The following HYDIN variants were observed in gnomAD, a reference collection of about 807,000 sequenced individuals.
The protein encoded by HYDIN is HYDIN axonemal central pair apparatus protein.
In HYDIN, 132 loss-of-function variants were observed where a neutral mutation model predicts 403.9. The observed-to-expected ratio is 0.33, with a 90% CI of 0.28 to 0.38. HYDIN has a LOEUF of 0.38. HYDIN is among the 10% of genes least tolerant of loss of function. The pLI, the probability that HYDIN is intolerant of heterozygous loss-of-function variation, is 1.00. For synonymous variants in HYDIN, 1,202 were observed against 1,891.7 expected (o/e 0.64, Z 9.46); for missense variants, 2,827 against 5,009.5 (o/e 0.56, Z 13.15).
intron 28 of HYDIN, chr16:70,984,938 TG>T (rs1339386267): frequency 2.5e-6 from 1 of 403,288 alleles, no homozygotes; most frequent in East Asian, 4.3e-5. Flanking sequence ...AAAAAATCCA[TG>T]GGTTGCATCT....
chr16:71,030,210 G>A (rs1298857192), intron 19 of HYDIN, among the ~76,000 whole-genome samples: 1 of 151,668 alleles, frequency 6.6e-6, no homozygotes, highest in Admixed American at 6.6e-5. Flanking sequence ...GACATCATGC[G>A]AGGCTAATTT....
At chr16:70,995,569 C>G (rs1392420984) in intron 23 of HYDIN, among the ~76,000 whole-genome samples, 4 of 152,086 alleles carry the variant, frequency 2.6e-5, no homozygotes, top group African/African-American at 9.7e-5. Context: ...TCTTTCCTGT[C>G]CTTTCTTCAC....
intron 12 of HYDIN, among the ~76,000 whole-genome samples, chr16:71,085,578 TG>T (rs1287918669): frequency 6.6e-6 from 1 of 152,214 alleles, no homozygotes; most frequent in African/African-American, 2.4e-5. Context: ...ACTATTTTGC[TG>T]AATTGTGTAT....
At chr16:71,017,224 C>A (rs1200408157) in intron 23 of HYDIN, among the ~76,000 whole-genome samples, 1 of 151,292 alleles carries the variant, frequency 6.6e-6, no homozygotes, top group Non-Finnish European at 1.5e-5. Context: ...GTGGCAGGCA[C>A]CTGTAATCCC....
chr16:71,222,768 T>A (rs1005481449), intron 1 of HYDIN, among the ~76,000 whole-genome samples: 1 of 152,016 alleles, frequency 6.6e-6, no homozygotes, highest in Non-Finnish European at 1.5e-5. Context: ...AAAATACATA[T>A]GAATATACTT....
intron 1 of HYDIN, among the ~76,000 whole-genome samples, chr16:71,227,293 G>C (rs2041078461): frequency 1.3e-5 from 2 of 151,920 alleles, no homozygotes; most frequent in South Asian, 4.1e-4. Flanking sequence ...ACCAGGAAAT[G>C]CAAATTAAAA....
Position 70,818,428 on chromosome 16 carries a change from G to A in HYDIN, c.14572C>T (p.Leu4858=). 6.2e-7 allele frequency: 1 copy of A among 1,612,564 alleles called. No homozygotes were observed. Among genetic ancestry groups the A allele is most frequent in the South Asian group, 1.1e-5 (1 of 90,614 alleles). The change falls in exon 84 of 86, where the codon CTG becomes TTG. Residue 4858 remains leucine, a synonymous_variant. Transcript: ENST00000393567. ...ASASIKLENP[L]PYSVTFSTEC... ...GTGGAGAAGGTCACCGAGTAGGGCA[G>A]AGGGTTCTCCAACTTGATGGAGGCT...
chr16:70,847,021 T>G (rs2038258660), intron 75 of HYDIN, among the ~76,000 whole-genome samples: 1 of 147,724 alleles, frequency 6.8e-6, no homozygotes, highest in Admixed American at 6.8e-5. Context: ...GTCTTTTAAT[T>G]GGAGCATTTA....
intron 9 of HYDIN, among the ~76,000 whole-genome samples, chr16:71,125,125 C>T (rs538690782): frequency 2.6e-5 from 4 of 151,694 alleles, no homozygotes; most frequent in Non-Finnish European, 4.4e-5. Context: ...ACAGCCTCTC[C>T]TCTCTCTGCA....
At chr16:71,145,295 G>A (rs907518395) in intron 7 of HYDIN, among the ~76,000 whole-genome samples, 24 of 149,424 alleles carry the variant, frequency 1.6e-4, no homozygotes, top group East Asian at 9.8e-4. Flanking sequence ...TAGCTCTGTC[G>A]CCAGGCTGGA....
At position 70,967,593 on chromosome 16, in the gene HYDIN, C is replaced by T. The variant is rs533894403; in HGVS notation, c.5620-2697G>A. Among the ~76,000 whole-genome samples, 5 of 152,222 alleles carry T rather than the reference C, an allele frequency of 3.3e-5. No individual in the cohort carries two copies. In the South Asian group the frequency reaches 6.2e-4, roughly 19 times the overall value. On this transcript the variant is annotated intron_variant, in intron 36 of 85. Coordinates refer to ENST00000393567, the MANE Select transcript of HYDIN (RefSeq NM_001270974.2). ...GCCTCCTGGGTTCATGCCATTCCCC[C>T]GCCTCAGCCTCCTGAGTAGCTGGGA...
chr16:71,031,057 A>T (rs1597593398), intron 19 of HYDIN, among the ~76,000 whole-genome samples: 3 of 149,954 alleles, frequency 2.0e-5, no homozygotes, highest in South Asian at 4.2e-4. Context: ...AAAATTAGCC[A>T]GGCGTGGTGG....
intron 10 of HYDIN, among the ~76,000 whole-genome samples, chr16:71,107,162 G>C (rs2083646978): frequency 8.2e-6 from 1 of 121,548 alleles, no homozygotes; most frequent in Admixed American, 9.2e-5. Context: ...TTGTGGGGTG[G>C]GGGGAGGGAA....
At chr16:70,848,429 A>T (rs2038372229) in intron 75 of HYDIN, among the ~76,000 whole-genome samples, 1 of 151,734 alleles carries the variant, frequency 6.6e-6, no homozygotes, top group South Asian at 2.1e-4. Context: ...GAAACTGGAG[A>T]TTTAAAATAA....
chr16:71,005,561 C>T (rs57398114), intron 23 of HYDIN, among the ~76,000 whole-genome samples: 1 of 145,762 alleles, frequency 6.9e-6, no homozygotes, highest in African/African-American at 2.6e-5. Context: ...GTCACACACT[C>T]TATGATATTT....
intron 85 of HYDIN, among the ~76,000 whole-genome samples, 156 bp downstream of exon 85, chr16:70,809,627 G>A (rs939208448): frequency 6.6e-6 from 1 of 152,196 alleles, no homozygotes. Context: ...GGAGTTTCCA[G>A]GCTAGATTCA....
At chr16:71,230,281 A>G (rs1444501889) in intron 1 of HYDIN, among the ~76,000 whole-genome samples, 2 of 152,220 alleles carry the variant, frequency 1.3e-5, no homozygotes, top group African/African-American at 4.8e-5. Flanking sequence ...GATTCGTCCA[A>G]GGCCTGGGGC....
intron 1 of HYDIN, among the ~76,000 whole-genome samples, chr16:71,202,790 C>T (rs2088086265): frequency 6.6e-6 from 1 of 152,182 alleles, no homozygotes; most frequent in Non-Finnish European, 1.5e-5. Context: ...CCCTTTTAAA[C>T]AATCTATTAA....
intron 72 of HYDIN, 80 bp from the exon 73 acceptor site, chr16:70,855,355 A>C: frequency 1.4e-6 from 1 of 726,638 alleles, no homozygotes; most frequent in East Asian, 2.6e-5. Flanking sequence ...CTTCACAGGC[A>C]AGACATTTAG....
Sources: allele counts gnomAD v4.1 joint callset (sites outside exome capture counted in the v4.1 genomes callset), GRCh38; gene constraint gnomAD v4.1.1; transcripts MANE v1.5; gene names NCBI Gene and HGNC (gene_info 2026-07-23, HGNC 2026-07-21).